The following FHIT variants were observed in gnomAD, a reference collection of about 807,000 sequenced individuals.
FHIT encodes the protein bis(5'-adenosyl)-triphosphatase.
Under a neutral mutation model 17.9 loss-of-function variants are expected in FHIT, and 19 were observed. That is an observed-to-expected ratio of 1.06 (90% CI 0.74 to 1.56). The LOEUF is 1.56. Ranked by LOEUF, FHIT falls within the 40% of genes most tolerant of loss-of-function variation. The probability of loss-of-function intolerance (pLI) is 0.00; values close to 1 mark genes in which losing one functional copy is unlikely to be tolerated. For missense variants in FHIT, 248 were observed against 189.2 expected, an observed-to-expected ratio of 1.31 and a Z score of -1.82; for synonymous variants, 81 against 69.7, an observed-to-expected ratio of 1.16 and a Z score of -0.81.
chr3:60,277,252 A>C (rs568794813), intron 5 of FHIT, among the ~76,000 whole-genome samples: 158 of 152,304 alleles, frequency 1.0e-3, no homozygotes, highest in African/African-American at 3.8e-3. Flanking sequence ...CTGCAGATAT[A>C]GGCGTTAAAA....
At chr3:59,873,058 A>T (rs1702993622) in intron 8 of FHIT, among the ~76,000 whole-genome samples, 1 of 152,198 alleles carries the variant, frequency 6.6e-6, no homozygotes, top group South Asian at 2.1e-4. Context: ...GGTTAGAGAT[A>T]TTTTTGACAC....
intron 5 of FHIT, among the ~76,000 whole-genome samples, chr3:60,397,331 T>TG (rs1488388335): frequency 6.6e-6 from 1 of 152,050 alleles, no homozygotes; most frequent in Non-Finnish European, 1.5e-5. Context: ...TTCCAGACCA[T>TG]GATGCTAATG....
At chr3:59,916,290 T>C (rs1210709745) in intron 8 of FHIT, among the ~76,000 whole-genome samples, 2 of 152,128 alleles carry the variant, frequency 1.3e-5, no homozygotes, top group Non-Finnish European at 2.9e-5. Flanking sequence ...TCTCTTGGAC[T>C]TATACCAGTG....
chr3:60,917,318 C>T (rs1422648230), intron 3 of FHIT, among the ~76,000 whole-genome samples: 1 of 152,244 alleles, frequency 6.6e-6, no homozygotes, highest in Non-Finnish European at 1.5e-5. Context: ...CCAAACCATG[C>T]TTGCCTTCCC....
chr3:61,219,980 G>A (rs2039793617), intron 1 of FHIT, among the ~76,000 whole-genome samples: 1 of 152,208 alleles, frequency 6.6e-6, no homozygotes, highest in African/African-American at 2.4e-5. Context: ...ACCTGGAACT[G>A]AGGGATTTGC....
chr3:59,976,436 A>G (rs916450384), intron 7 of FHIT, among the ~76,000 whole-genome samples: 1 of 152,186 alleles, frequency 6.6e-6, no homozygotes, highest in East Asian at 1.9e-4. Flanking sequence ...ACCTCAAATA[A>G]TTAAGTACTT....
intron 2 of FHIT, among the ~76,000 whole-genome samples, chr3:61,053,664 G>GAAA (rs3054020): frequency 0.54 from 80,131 of 149,360 alleles, 24,528 homozygotes; most frequent in East Asian, 0.78. Flanking sequence ...TCCGTCTCAA[G>GAAA]AAAAAAAAAA....
intron 7 of FHIT, among the ~76,000 whole-genome samples, chr3:59,978,333 C>T (rs375945338): frequency 5.3e-5 from 8 of 152,068 alleles, no homozygotes; most frequent in African/African-American, 1.7e-4. Flanking sequence ...CCAATTACAA[C>T]CTTATTTAAA....
chr3:60,569,755 A>ATATACATATATATATATATATATAT, intron 4 of FHIT, among the ~76,000 whole-genome samples: 1 of 77,344 alleles, frequency 1.3e-5, no homozygotes, highest in Non-Finnish European at 2.3e-5. Context: ...ATATATATAT[A>ATATACATATATATATATATATATAT]TTTTTTTTTT....
rs1339760693 is a variant in FHIT at position 60,114,488 on chromosome 3, CCTTTT to C, written c.104-100341_104-100337del. 3.9e-4 allele frequency among the ~76,000 whole-genome samples: 23 copies of C among 59,484 alleles called. 1 individual carries two copies. The highest frequency in any genetic ancestry group is 1.3e-3 in the Admixed American group (6 of 4,492). The allele number at this position is 59,484 out of a possible 152,430, so 39.0% of individuals were successfully genotyped here. A position where few individuals can be genotyped will look rare whatever the true frequency, so the allele number is the denominator to read the frequency against. On this transcript the variant is annotated intron_variant, in intron 5 of 9. Coordinates refer to ENST00000492590, the MANE Select transcript of FHIT (RefSeq NM_002012.4). ...TAAAATAAGGAAGAACAAGAGAAATCCTTTTTTTTTTTTTTTTTTTTTTTTGAGAC... is the reference window on the plus strand; with the variant it reads ...TAAAATAAGGAAGAACAAGAGAAATCTTTTTTTTTTTTTTTTTTTTGAGAC...
intron 5 of FHIT, among the ~76,000 whole-genome samples, chr3:60,455,994 G>C (rs1004163628): frequency 1.3e-5 from 2 of 152,078 alleles, no homozygotes; most frequent in Non-Finnish European, 1.5e-5. Flanking sequence ...ATAATGATTC[G>C]ATTTCTTTAA....
In FHIT at chr3:60,771,091, A is replaced by G. The variant is rs185744825; in HGVS notation, c.-18+50828T>C. The stretch of plus-strand genomic sequence containing the variant: ...GTGAATGAAACTGACTCCTATTTCC[A>G]GAATCCCACCTGCATTCCTTTTCCA... On this transcript the variant is annotated intron_variant, in intron 4 of 9. Transcript: ENST00000492590. Among the ~76,000 whole-genome samples the G allele has an allele frequency of 2.0e-5, 3 of 152,338 alleles. No homozygotes were observed. In the East Asian group the frequency reaches 5.8e-4, roughly 29 times the overall value.
At chr3:60,233,297 C>A (rs1398412592) in intron 5 of FHIT, among the ~76,000 whole-genome samples, 2 of 152,110 alleles carry the variant, frequency 1.3e-5, no homozygotes, top group Admixed American at 1.3e-4. Flanking sequence ...TATCCAGTAC[C>A]CAGCTTTGTC....
At chr3:60,173,748 AG>A (rs1701521676) in intron 5 of FHIT, among the ~76,000 whole-genome samples, 2 of 151,382 alleles carry the variant, frequency 1.3e-5, no homozygotes, top group African/African-American at 4.8e-5. Flanking sequence ...GGTCAGGAGG[AG>A]CCCTTTCTCT....
intron 5 of FHIT, among the ~76,000 whole-genome samples, chr3:60,359,121 C>T (rs1252405811): frequency 6.6e-6 from 1 of 152,004 alleles, no homozygotes; most frequent in Non-Finnish European, 1.5e-5. Flanking sequence ...TACCACAGTA[C>T]AAAGAAACCT....
intron 5 of FHIT, among the ~76,000 whole-genome samples, chr3:60,472,906 C>T (rs4679478): frequency 0.31 from 47,198 of 151,882 alleles, 7,993 homozygotes; most frequent in East Asian, 0.54. Flanking sequence ...ACAAATGCCT[C>T]AAATACCATT....
At chr3:59,924,000 G>A (rs1251488083) in intron 7 of FHIT, among the ~76,000 whole-genome samples, 1 of 152,170 alleles carries the variant, frequency 6.6e-6, no homozygotes, top group African/African-American at 2.4e-5. Flanking sequence ...GGCCAAGTGT[G>A]CACTTCAGTC....
At chr3:61,215,543 C>T (rs1056064295) in intron 1 of FHIT, among the ~76,000 whole-genome samples, 3 of 152,106 alleles carry the variant, frequency 2.0e-5, no homozygotes, top group Non-Finnish European at 4.4e-5. Flanking sequence ...TAGGAAGAAT[C>T]AATATCATGA....
intron 5 of FHIT, among the ~76,000 whole-genome samples, chr3:60,299,228 T>C (rs1215183908): frequency 6.6e-6 from 1 of 152,104 alleles, no homozygotes; most frequent in African/African-American, 2.4e-5. Context: ...GTAGATTCCA[T>C]TGCTGATTTT....
Sources: gnomAD v4.1 joint callset for allele counts (sites outside exome capture counted in the v4.1 genomes callset) on GRCh38, gnomAD v4.1.1 for gene constraint, MANE v1.5 for transcripts, NCBI Gene and HGNC (gene_info 2026-07-23, HGNC 2026-07-21) for gene names.